The following ULK4 variants were observed in gnomAD, a reference collection of about 807,000 sequenced individuals.
The protein encoded by ULK4 is inactive serine/threonine-protein kinase ULK4.
A neutral mutation model predicts 160.6 loss-of-function variants in ULK4; 133 were observed. That is an observed-to-expected ratio of 0.83 (90% CI 0.72 to 0.96). ULK4 has a LOEUF of 0.96. Ranked by LOEUF, ULK4 falls within the 40% of genes least tolerant of loss-of-function variation. The pLI is 0.00. For missense variants in ULK4, 1,580 were observed against 1,499.5 expected, an observed-to-expected ratio of 1.05 and a Z score of -0.89; for synonymous variants, 534 against 539.8, an observed-to-expected ratio of 0.99 and a Z score of 0.15.
intron 35 of ULK4, among the ~76,000 whole-genome samples, chr3:41,300,837 T>TTATATATATATATATA (rs66602936): frequency 1.0e-4 from 6 of 57,870 alleles, no homozygotes; most frequent in East Asian, 6.7e-4. Flanking sequence ...ATTTTACAGA[T>TTATATATATATATATA]TATATATATA....
chr3:41,713,808 T>C (rs1434796354), intron 25 of ULK4, among the ~76,000 whole-genome samples: 1 of 152,100 alleles, frequency 6.6e-6, no homozygotes, highest in East Asian at 1.9e-4. Flanking sequence ...TTCTCCCCAA[T>C]ATACATAGAA....
At chr3:41,391,232 G>C (rs959360765) in intron 35 of ULK4, among the ~76,000 whole-genome samples, 2 of 152,064 alleles carry the variant, frequency 1.3e-5, no homozygotes. Flanking sequence ...AAATGAGTGT[G>C]TATGGATTCA....
chr3:41,336,731 G>A (rs552467088), intron 35 of ULK4, among the ~76,000 whole-genome samples: 52 of 152,296 alleles, frequency 3.4e-4, no homozygotes, highest in African/African-American at 1.2e-3. Context: ...GCCTGGGATT[G>A]GATGGTACCT....
intron 31 of ULK4, among the ~76,000 whole-genome samples, chr3:41,572,659 A>C (rs1394547869): frequency 1.3e-5 from 2 of 150,970 alleles, no homozygotes; most frequent in Non-Finnish European, 3.0e-5. Context: ...CCAGCTACTG[A>C]GGAGGCTGAG....
chr3:41,845,926 G>A (rs939004224), intron 17 of ULK4, among the ~76,000 whole-genome samples: 2 of 152,132 alleles, frequency 1.3e-5, no homozygotes, highest in African/African-American at 4.8e-5. Context: ...AAAGTTAGTG[G>A]CAGGGATTTA....
intron 20 of ULK4, among the ~76,000 whole-genome samples, chr3:41,794,471 C>G (rs2040235374): frequency 6.6e-6 from 1 of 151,878 alleles, no homozygotes; most frequent in Non-Finnish European, 1.5e-5. Flanking sequence ...CAAGACCAGC[C>G]TGACCAACAT....
intron 2 of ULK4, among the ~76,000 whole-genome samples, chr3:41,950,534 C>T (rs535021764): frequency 7.2e-5 from 11 of 151,958 alleles, no homozygotes; most frequent in East Asian, 1.9e-4. Flanking sequence ...TGAGCCACCG[C>T]GCCTGGCCCA....
intron 35 of ULK4, among the ~76,000 whole-genome samples, chr3:41,252,656 A>G (rs2078765412): frequency 1.3e-5 from 2 of 151,794 alleles, no homozygotes; most frequent in African/African-American, 2.4e-5. Flanking sequence ...GCAGCACCTC[A>G]GGGACCTATG....
At chr3:41,576,365 T>C (rs17212658) in intron 31 of ULK4, among the ~76,000 whole-genome samples, 17,732 of 152,198 alleles carry the variant, frequency 0.12, 1,336 homozygotes, top group Non-Finnish European at 0.17. Flanking sequence ...AGAGAAACTA[T>C]TGGTTAATCC....
intron 32 of ULK4, among the ~76,000 whole-genome samples, chr3:41,472,356 G>A (rs914415247): frequency 7.4e-4 from 112 of 152,154 alleles, no homozygotes; most frequent in African/African-American, 2.6e-3. Flanking sequence ...ATGACCTGAG[G>A]TCAGGAGTTC....
At chr3:41,603,149 T>C (rs977671096) in intron 31 of ULK4, among the ~76,000 whole-genome samples, 7 of 151,800 alleles carry the variant, frequency 4.6e-5, no homozygotes, top group African/African-American at 1.2e-4. Flanking sequence ...ATGCAAACAT[T>C]AATTAAAAGA....
chr3:41,648,821 C>T (rs2034617901), intron 30 of ULK4, among the ~76,000 whole-genome samples: 1 of 152,110 alleles, frequency 6.6e-6, no homozygotes, highest in African/African-American at 2.4e-5. Context: ...GGAGAGAAAG[C>T]ATCAGAAAAC....
At chr3:41,908,306 T>C (rs1698652211) in intron 11 of ULK4, among the ~76,000 whole-genome samples, 1 of 152,154 alleles carries the variant, frequency 6.6e-6, no homozygotes, top group South Asian at 2.1e-4. Flanking sequence ...GAAAAGGAAA[T>C]TACCCTGGCA....
At chr3:41,874,369 C>CAAATCACCATATATCCACTTTTAACATA (rs1263745440) in intron 17 of ULK4, among the ~76,000 whole-genome samples, 2 of 152,164 alleles carry the variant, frequency 1.3e-5, no homozygotes, top group African/African-American at 4.8e-5. Context: ...AATAATGCTT[C>CAAATCACCATATATCCACTTTTAACATA]AAATCACCAT....
intron 31 of ULK4, among the ~76,000 whole-genome samples, chr3:41,602,758 T>C (rs1261622133): frequency 6.6e-6 from 1 of 152,112 alleles, no homozygotes; most frequent in African/African-American, 2.4e-5. Context: ...TTATTTAAAC[T>C]GGTAAAATGA....
At chr3:41,625,199 G>T (rs946393110) in intron 30 of ULK4, among the ~76,000 whole-genome samples, 1 of 152,146 alleles carries the variant, frequency 6.6e-6, no homozygotes, top group African/African-American at 2.4e-5. Context: ...ATATCCAAGG[G>T]TATCGCACAT....
chr3:41,548,984 C>A (rs944109991), intron 32 of ULK4, among the ~76,000 whole-genome samples: 1 of 152,108 alleles, frequency 6.6e-6, no homozygotes, highest in Non-Finnish European at 1.5e-5. Context: ...CTGCATGAAC[C>A]CTGAATCAAA....
chr3:41,711,692 T>C lies in ULK4; in HGVS notation c.2634+3545A>G, dbSNP rs1315051053. On this transcript the variant is annotated intron_variant, in intron 25 of 36. Transcript: ENST00000301831. ...CACAAGCCATCATACTTTCATAAAC[T>C]AATGAGGCCAGAACTTAAACACAAC... Among the ~76,000 whole-genome samples, 6 of 152,332 alleles carry C rather than the reference T, an allele frequency of 3.9e-5. No homozygotes were observed. The East Asian group carries it at 1.2e-3, about 29-fold the overall frequency.
intron 31 of ULK4, among the ~76,000 whole-genome samples, chr3:41,611,874 T>C (rs1460645602): frequency 6.6e-6 from 1 of 152,142 alleles, no homozygotes; most frequent in Admixed American, 6.5e-5. Flanking sequence ...AAACTACCCT[T>C]TACCCTCATT....
Sources: gnomAD v4.1 joint callset for allele counts (sites outside exome capture counted in the v4.1 genomes callset) on GRCh38, gnomAD v4.1.1 for gene constraint, MANE v1.5 for transcripts, NCBI Gene and HGNC (gene_info 2026-07-23, HGNC 2026-07-21) for gene names.